ANK1: variants seen among roughly 807,000 people sequenced by gnomAD.
The protein encoded by ANK1 is ankyrin-1.
Under a neutral mutation model 210.4 loss-of-function variants are expected in ANK1, and 51 were observed. The ratio of observed to expected loss-of-function variants is 0.24; its 90% CI spans 0.19 to 0.31. ANK1 has a LOEUF of 0.31. ANK1 is among the 10% of genes least tolerant of loss of function. The probability of loss-of-function intolerance (pLI) is 1.00; values close to 1 mark genes in which losing one functional copy is unlikely to be tolerated. For synonymous variants in ANK1, 967 were observed against 1,025.9 expected (o/e 0.94, Z 1.10); for missense variants, 2,051 against 2,504.4 (o/e 0.82, Z 3.86).
chr8:41,895,268 G>A lies in ANK1; in HGVS notation c.126+1087C>T, dbSNP rs569233917. On this transcript the variant is annotated intron_variant, in intron 1 of 42. Transcript: ENST00000265709. ...CCTGAGGGGCCCCACTCCTTGCTGG[G>A]GAGCCGTGCAGGCTGGGCCCCACAT... is the stretch of plus-strand genomic sequence containing the variant. Among the ~76,000 whole-genome samples the A allele has an allele frequency of 1.2e-4, 19 of 152,334 alleles. No individual in the cohort carries two copies. In the South Asian group the frequency reaches 2.3e-3, roughly 18 times the overall value.
At chr8:41,663,142 A>G (rs561905999) in intron 40 of ANK1, among the ~76,000 whole-genome samples, 1,718 of 109,672 alleles carry the variant, frequency 0.016, 31 homozygotes, top group African/African-American at 0.062. Context: ...GTGTGTGTGT[A>G]TTTATTTATT....
chr8:41,773,882 C>G (rs868645181), intron 1 of ANK1, among the ~76,000 whole-genome samples: 1 of 152,130 alleles, frequency 6.6e-6, no homozygotes, highest in African/African-American at 2.4e-5. Context: ...GGCAAGCCTG[C>G]GGGGGACAGG....
At chr8:41,719,144 CCT>C in intron 10 of ANK1, among the ~76,000 whole-genome samples, 1 of 152,274 alleles carries the variant, frequency 6.6e-6, no homozygotes, top group African/African-American at 2.4e-5. Flanking sequence ...CCTGGGAGCC[CCT>C]GTCCTGGGAA....
At chr8:41,832,686 C>T (rs950640113) in intron 1 of ANK1, among the ~76,000 whole-genome samples, 8 of 152,222 alleles carry the variant, frequency 5.3e-5, no homozygotes, top group Non-Finnish European at 7.3e-5. Flanking sequence ...TTTCTCATCC[C>T]CCAGGGTTCC....
At chr8:41,746,314 C>T (rs1836121567) in intron 2 of ANK1, among the ~76,000 whole-genome samples, 1 of 152,174 alleles carries the variant, frequency 6.6e-6, no homozygotes, top group African/African-American at 2.4e-5. Context: ...TGCCGTAACC[C>T]TAGTGGAAAA....
At chr8:41,797,730 C>A, upstream of ANK1, 1 of 740,960 alleles carries the variant, frequency 1.3e-6, no homozygotes, top group South Asian at 2.4e-5. This position sits in a 1 kb window ranked among gnomAD's most constrained non-coding sequence, Gnocchi z 4.0. Flanking sequence ...GGGTGGCGCC[C>A]GCCTGGGGAC....
rs141923667 is a variant in ANK1 at position 41,818,349 on chromosome 8, T to C, written c.127-60212A>G. Among the ~76,000 whole-genome samples the C allele has an allele frequency of 1.7e-4, 26 of 152,286 alleles. No homozygotes were observed. In the East Asian group the frequency reaches 4.4e-3, roughly 26 times the overall value. On this transcript the variant is annotated intron_variant, in intron 1 of 42. Coordinates refer to the ANK1 transcript ENST00000265709. ...GATATAAGAGAGCACAGAAGAGGAA[T>C]TTAGGCCAAATTTAAACAATTTTAA...
intron 1 of ANK1, among the ~76,000 whole-genome samples, chr8:41,892,586 G>A (rs112878492): frequency 4.6e-5 from 7 of 152,264 alleles, no homozygotes; most frequent in African/African-American, 1.7e-4. Flanking sequence ...CATGCTCAGT[G>A]GTGGAATCCA....
rs1805271674 is a variant in ANK1 at position 41,655,263 on chromosome 8, G to A, written c.*527C>T. On this transcript the variant is annotated 3_prime_UTR_variant, in exon 43 of 43. Coordinates refer to ENST00000289734, the MANE Select transcript of ANK1 (RefSeq NM_000037.4). ...GGGGAGGGTGGGCAGATGAGGACAT[G>A]GCTTAAGATTAAGGTGTTAAACTGA... 6.0e-6 allele frequency: 1 copy of A among 166,194 alleles called. No homozygotes were observed. The highest frequency in any genetic ancestry group is 2.4e-5 in the African/African-American group (1 of 41,242). 10.3% of individuals were successfully genotyped at this position (166,194 alleles called of 1,614,324 possible).
At position 41,663,642 on chromosome 8, in the gene ANK1, G is replaced by T; in HGVS notation, c.5478+17C>A. Reference sequence around the variant, plus strand: ...ACCTGCCTCTCCCCAGCACAGAGGGGAACACTCTGCACCCACCTTCTTGGT... The same window carrying T: ...ACCTGCCTCTCCCCAGCACAGAGGGTAACACTCTGCACCCACCTTCTTGGT... On this transcript the variant is annotated intron_variant, in intron 40 of 42. Transcript: ENST00000289734. The T allele has an allele frequency of 6.2e-7, 1 of 1,611,426 alleles. No individual in the cohort carries two copies. The highest frequency in any genetic ancestry group is 8.5e-7 in the Non-Finnish European group (1 of 1,177,636).
At chr8:41,797,693 G>C, upstream of ANK1, 2 of 1,196,784 alleles carry the variant, frequency 1.7e-6, no homozygotes, top group Non-Finnish European at 2.2e-6. This position sits in a 1 kb window ranked among gnomAD's most constrained non-coding sequence, Gnocchi z 4.0. Flanking sequence ...CTGTCGGGCC[G>C]GGCGCTCCCG....
chr8:41,869,072 T>C (rs577112956), intron 1 of ANK1, among the ~76,000 whole-genome samples: 1 of 152,200 alleles, frequency 6.6e-6, no homozygotes, highest in Non-Finnish European at 1.5e-5. Flanking sequence ...AGAAACTCAA[T>C]AAACAATGGT....
chr8:41,698,421 T>A (rs1821718005), intron 23 of ANK1, among the ~76,000 whole-genome samples: 1 of 152,202 alleles, frequency 6.6e-6, no homozygotes, highest in Non-Finnish European at 1.5e-5. Flanking sequence ...ACCAAATGAG[T>A]CCGTAAGTTG....
intron 17 of ANK1, among the ~76,000 whole-genome samples, 197 bp downstream of exon 17, chr8:41,708,581 G>T: frequency 6.6e-6 from 1 of 152,294 alleles, no homozygotes; most frequent in Admixed American, 6.5e-5. Flanking sequence ...TCAGAATCCT[G>T]CCACCTTGGG....
chr8:41,765,630 C>G (rs1018249590), intron 1 of ANK1, among the ~76,000 whole-genome samples: 1 of 152,074 alleles, frequency 6.6e-6, no homozygotes, highest in African/African-American at 2.4e-5. Flanking sequence ...GAGGCTGTGC[C>G]CACGTCAGGA....
At position 41,723,455 on chromosome 8, in the gene ANK1, A is replaced by T. The variant is rs1400079197; in HGVS notation, c.810+80T>A. The stretch of plus-strand genomic sequence containing the variant: ...GTGGTGCATCCCTAACTAGGTCACC[A>T]AGGGCCCGCTGCTCTGGGTGAGGCT... On this transcript the variant is annotated intron_variant, in intron 8 of 42. Coordinates refer to ENST00000289734, the MANE Select transcript of ANK1 (RefSeq NM_000037.4). 10 of 1,524,470 alleles carry T rather than the reference A, an allele frequency of 6.6e-6. No individual in the cohort carries two copies. In the African/African-American group the frequency reaches 1.1e-4, roughly 17 times the overall value. The allele number at this position is 1,524,470 out of a possible 1,614,324, so 94.4% of individuals were successfully genotyped here. A position where few individuals can be genotyped will look rare whatever the true frequency, so the allele number is the denominator to read the frequency against.
intron 39 of ANK1, chr8:41,664,890 T>C (rs1464632318): frequency 1.2e-6 from 2 of 1,614,056 alleles, no homozygotes; most frequent in Non-Finnish European, 1.7e-6. Flanking sequence ...CAGCTCCTTG[T>C]CCAGCTCCTG....
In ANK1 at chr8:41,668,423, T is replaced by C; in HGVS notation, c.5238A>G (p.Gly1746=). 1 of 1,614,210 alleles carries C rather than the reference T, an allele frequency of 6.2e-7. No homozygotes were observed. The highest frequency in any genetic ancestry group is 8.5e-7 in the Non-Finnish European group (1 of 1,180,038). ...CCAGGACCTTCTCGTACTCCTGAGATCCACCGGGCTCTAGCCCTTCAGTCA... is the reference window on the plus strand; with the variant it reads ...CCAGGACCTTCTCGTACTCCTGAGACCCACCGGGCTCTAGCCCTTCAGTCA... The part of the protein sequence containing the change: ...STMTEGLEPG[G]SQEYEKVLVS... Residue 1746 remains glycine, a synonymous_variant, in exon 39 of 43, where the codon GGA becomes GGG. Transcript: ENST00000289734.
chr8:41,837,146 T>C (rs1466967447), intron 1 of ANK1, among the ~76,000 whole-genome samples: 2 of 152,136 alleles, frequency 1.3e-5, no homozygotes, highest in Non-Finnish European at 2.9e-5. Context: ...GGAGATAATA[T>C]CATCAACCCC....
Sources: allele counts gnomAD v4.1 joint callset (sites outside exome capture counted in the v4.1 genomes callset), GRCh38; gene constraint gnomAD v4.1.1; non-coding constraint Gnocchi (gnomAD v3.1); transcripts MANE v1.5; gene names NCBI Gene and HGNC (gene_info 2026-07-23, HGNC 2026-07-21).